Variants in PHF14 observed in about 807,000 individuals in gnomAD.
PHF14 encodes the protein PHD finger protein 14.
In PHF14, 55 loss-of-function variants were observed where a neutral mutation model predicts 117.9. That is an observed-to-expected ratio of 0.47 (90% CI 0.38 to 0.58). The LOEUF is 0.58. Among genes scored for constraint, PHF14 ranks in the 20% least tolerant of loss-of-function variants. The pLI is 0.00. For synonymous variants in PHF14, 409 were observed against 368.6 expected (o/e 1.11, Z -1.26); for missense variants, 978 against 1,122.2 (o/e 0.87, Z 1.84).
chr7:11,093,348 A>G (rs959906817), intron 16 of PHF14, among the ~76,000 whole-genome samples: 9 of 152,270 alleles, frequency 5.9e-5, no homozygotes, highest in African/African-American at 1.9e-4. Flanking sequence ...ACGCCTGAAA[A>G]GGGCACACCT....
At chr7:11,146,450 A>C (rs1414059050) in intron 17 of PHF14, among the ~76,000 whole-genome samples, 1 of 152,014 alleles carries the variant, frequency 6.6e-6, no homozygotes, top group Non-Finnish European at 1.5e-5. Flanking sequence ...TAGACTCAGG[A>C]CCTCCATTTC....
At chr7:11,071,241 T>G (rs1562450634) in intron 16 of PHF14, 1 of 518,420 alleles carries the variant, frequency 1.9e-6, no homozygotes, top group Admixed American at 1.9e-5. Context: ...AGCTCTGATA[T>G]TCAAAGACTA....
chr7:11,069,431 A>G (rs1484669223), intron 16 of PHF14, among the ~76,000 whole-genome samples: 2 of 152,100 alleles, frequency 1.3e-5, no homozygotes, highest in African/African-American at 4.8e-5. Context: ...AGGTATTTGA[A>G]CAGTGTTTGC....
At chr7:11,078,819 TG>T (rs948356997) in intron 16 of PHF14, among the ~76,000 whole-genome samples, 2 of 152,178 alleles carry the variant, frequency 1.3e-5, no homozygotes, top group Non-Finnish European at 2.9e-5. Context: ...AGAAACATTT[TG>T]TAGTAGAAAA....
Position 11,106,374 on chromosome 7 carries a change from G to A in PHF14, c.2655-4976G>A, listed in dbSNP as rs112957856. On this transcript the variant is annotated intron_variant, in intron 16 of 17. Transcript: ENST00000634607. ...AATGAAATAGGTTCAAGCCCTCCAC[G>A]TTAGTCTTATATTTGTGAAATGATT... 318 of 974,970 alleles carry A rather than the reference G, an allele frequency of 3.3e-4. 4 individuals carry two copies. In the African/African-American group the frequency reaches 4.6e-3, roughly 14 times the overall value. The allele number at this position is 974,970 out of a possible 1,614,324, so 60.4% of individuals were successfully genotyped here.
rs1029533986 is a variant in PHF14, at chr7:11,022,671, C to T, written c.1206-197C>T. On this transcript the variant is annotated intron_variant, in intron 5 of 17. Coordinates refer to ENST00000634607, the MANE Select transcript of PHF14 (RefSeq NM_001007157.2). ...AAGCTGCTGGAAAAGTAATTTCAGT[C>T]CCCTTTTTTGTAACTAAGTGTTATT... Among the ~76,000 whole-genome samples, 9 of 152,184 alleles carry T rather than the reference C, an allele frequency of 5.9e-5. No homozygotes were observed. In the East Asian group the frequency reaches 1.2e-3, roughly 20 times the overall value.
chr7:11,036,114 A>T (rs1034684469), intron 8 of PHF14, among the ~76,000 whole-genome samples: 2 of 152,212 alleles, frequency 1.3e-5, no homozygotes, highest in African/African-American at 4.8e-5. Context: ...TATTTAAAAT[A>T]TAATTTTATA....
At chr7:11,038,135 C>T (rs771710638) in intron 10 of PHF14, among the ~76,000 whole-genome samples, 2 of 151,962 alleles carry the variant, frequency 1.3e-5, no homozygotes, top group Non-Finnish European at 2.9e-5. Context: ...ATATGGAGGC[C>T]GAGCGCAGTG....
At chr7:11,021,579 G>A (rs1783737004) in intron 5 of PHF14, among the ~76,000 whole-genome samples, 2 of 152,104 alleles carry the variant, frequency 1.3e-5, no homozygotes, top group South Asian at 4.1e-4. Context: ...GAAGCAAGCA[G>A]CCAGCTGTTA....
chr7:11,061,812 A>G lies in PHF14; in HGVS notation c.2503A>G (p.Ser835Gly). The G allele has an allele frequency of 6.6e-7, 1 of 1,524,202 alleles. No individual in the cohort carries two copies. Among genetic ancestry groups the G allele is most frequent in the Non-Finnish European group, 8.8e-7 (1 of 1,136,466 alleles). The allele number at this position is 1,524,202 out of a possible 1,614,324, so 94.4% of individuals were successfully genotyped here. A position where few individuals can be genotyped will look rare whatever the true frequency, so the allele number is the denominator to read the frequency against. ...RNTRTRGRKRSFVPEEEKHEE... is the reference protein window; with the variant it reads ...RNTRTRGRKRGFVPEEEKHEE... ...CCAGAGAACCAGAGGACGAAAACGAAGCTTCGTTCCTGAGGAAGAAAAACA... is the reference window on the plus strand; with the variant it reads ...CCAGAGAACCAGAGGACGAAAACGAGGCTTCGTTCCTGAGGAAGAAAAACA... Residue 835 changes from serine to glycine, a missense_variant, in exon 15 of 18, where the codon AGC becomes GGC. By Grantham distance (56) the Ser-to-Gly change is moderately conservative (BLOSUM62 0). Coordinates refer to ENST00000634607, the MANE Select transcript of PHF14 (RefSeq NM_001007157.2).
At chr7:11,098,135 A>G (rs1274241321) in intron 16 of PHF14, among the ~76,000 whole-genome samples, 2 of 152,178 alleles carry the variant, frequency 1.3e-5, no homozygotes, top group East Asian at 1.9e-4. Context: ...TAAATCACCT[A>G]TAATCTTACA....
At chr7:10,995,079 G>T (rs183430931) in intron 4 of PHF14, among the ~76,000 whole-genome samples, 1 of 152,092 alleles carries the variant, frequency 6.6e-6, no homozygotes, top group South Asian at 2.1e-4. Flanking sequence ...CTCCAAGTCC[G>T]CACAGAGCAC....
chr7:10,998,570 C>T (rs1782746511), intron 4 of PHF14, among the ~76,000 whole-genome samples: 1 of 152,098 alleles, frequency 6.6e-6, no homozygotes, highest in Non-Finnish European at 1.5e-5. Flanking sequence ...AATACTGTTA[C>T]TGAGAAAAGT....
intron 2 of PHF14, 62 bp from the exon 3 acceptor site, chr7:10,982,310 G>A (rs969870430): frequency 1.5e-6 from 1 of 681,310 alleles, no homozygotes; most frequent in African/African-American, 1.9e-5. Context: ...TGTCAGCGTT[G>A]TGTGTGTGTG....
At chr7:11,070,254 C>T (rs143526250) in intron 16 of PHF14, among the ~76,000 whole-genome samples, 143 of 152,188 alleles carry the variant, frequency 9.4e-4, no homozygotes, top group Middle Eastern at 3.4e-3. Context: ...ATTTTTTAAT[C>T]GTTTGTAGAA....
chr7:11,059,601 C>T lies in PHF14; in HGVS notation c.2482-2190C>T, dbSNP rs951808507. Among the ~76,000 whole-genome samples, 5 of 151,990 alleles carry T rather than the reference C, an allele frequency of 3.3e-5. No individual in the cohort carries two copies. In the East Asian group the frequency reaches 7.7e-4, roughly 24 times the overall value. ...GACCAGCCTGGCCAACATGGCAACC[C>T]GTTCTCTAGTAAAAATGAAAAGATT... On this transcript the variant is annotated intron_variant, in intron 14 of 17. Coordinates refer to ENST00000634607, the MANE Select transcript of PHF14 (RefSeq NM_001007157.2).
At chr7:11,036,010 T>G (rs986800588) in intron 8 of PHF14, among the ~76,000 whole-genome samples, 49 of 152,196 alleles carry the variant, frequency 3.2e-4, no homozygotes, top group African/African-American at 1.1e-3. Flanking sequence ...ATTTTCACAT[T>G]GAAAAATGTG....
At chr7:11,139,002 G>A (rs963334566) in intron 17 of PHF14, among the ~76,000 whole-genome samples, 3 of 152,000 alleles carry the variant, frequency 2.0e-5, no homozygotes, top group African/African-American at 7.2e-5. Context: ...TCTAATACAA[G>A]CTAAGGCTGT....
intron 16 of PHF14, among the ~76,000 whole-genome samples, chr7:11,069,538 TA>T (rs1327436989): frequency 1.0e-5 from 1 of 96,738 alleles, no homozygotes; most frequent in African/African-American, 5.9e-5. Context: ...CTCTTTTATG[TA>T]TTTTTTTTAA....
Sources: allele counts gnomAD v4.1 joint callset (sites outside exome capture counted in the v4.1 genomes callset), GRCh38; gene constraint gnomAD v4.1.1; transcripts MANE v1.5; gene names NCBI Gene and HGNC (gene_info 2026-07-23, HGNC 2026-07-21).